Variants in NDST4 observed in about 807,000 individuals in gnomAD.
NDST4 encodes N-deacetylase and N-sulfotransferase 4.
In NDST4, 63 loss-of-function variants were observed where a neutral mutation model predicts 100.8. That is an observed-to-expected ratio of 0.62 (90% CI 0.51 to 0.77). The LOEUF (loss-of-function observed/expected upper bound fraction) is 0.77. Among genes scored for constraint, NDST4 ranks in the 30% least tolerant of loss-of-function variants. The probability of loss-of-function intolerance (pLI) is 0.00; values close to 1 mark genes in which losing one functional copy is unlikely to be tolerated. For missense variants in NDST4, 943 were observed against 1,018.4 expected (o/e 0.93, Z 1.01); for synonymous variants, 377 against 361.8 (o/e 1.04, Z -0.48).
chr4:115,006,101 G>A (rs1727411150), intron 2 of NDST4, among the ~76,000 whole-genome samples: 2 of 146,926 alleles, frequency 1.4e-5, no homozygotes, highest in African/African-American at 5.0e-5. Context: ...AATAAAGAAA[G>A]AAAGAGAAAG....
chr4:114,855,131 AG>A (rs1378575510), intron 7 of NDST4, among the ~76,000 whole-genome samples: 1 of 151,924 alleles, frequency 6.6e-6, no homozygotes, highest in Non-Finnish European at 1.5e-5. Context: ...TCAGATTATT[AG>A]TTTTTTTTTT....
chr4:115,052,613 G>A (rs911268365), intron 2 of NDST4, among the ~76,000 whole-genome samples: 5 of 151,720 alleles, frequency 3.3e-5, no homozygotes, highest in Admixed American at 6.6e-5. Context: ...CTGCCCTCCC[G>A]TAAGACGTGA....
chr4:114,999,121 A>G (rs1727228129), intron 2 of NDST4, among the ~76,000 whole-genome samples: 1 of 152,074 alleles, frequency 6.6e-6, no homozygotes. Flanking sequence ...GTGGATTCAT[A>G]TATCTATTTT....
At chr4:115,074,196 T>C (rs1729134373) in intron 2 of NDST4, among the ~76,000 whole-genome samples, 2 of 152,058 alleles carry the variant, frequency 1.3e-5, no homozygotes, top group Admixed American at 6.6e-5. Context: ...TATTTGGAGT[T>C]ATGTCACTTA....
rs1352457566 is a variant in NDST4 at position 115,023,471 on chromosome 4, G to A, written c.979-46197C>T. ...TTGCACTCCAGCCTGGGCAACAAGA[G>A]CAAAATTCCATCTCAAAAAAAAAAA... On this transcript the variant is annotated intron_variant, in intron 2 of 13. Transcript: ENST00000264363. Among the ~76,000 whole-genome samples, 19 of 120,742 alleles carry A rather than the reference G, an allele frequency of 1.6e-4. 1 individual carries two copies. In the South Asian group the frequency reaches 3.4e-3, roughly 22 times the overall value. The allele number at this position is 120,742 out of a possible 152,430, so 79.2% of individuals were successfully genotyped here.
At chr4:114,987,773 T>C (rs1296993177) in intron 2 of NDST4, among the ~76,000 whole-genome samples, 2 of 152,206 alleles carry the variant, frequency 1.3e-5, no homozygotes, top group Admixed American at 1.3e-4. Context: ...ATCTTTTACC[T>C]CAAATAATCA....
chr4:115,086,046 T>C (rs1729404028), intron 1 of NDST4, among the ~76,000 whole-genome samples: 1 of 152,190 alleles, frequency 6.6e-6, no homozygotes, highest in African/African-American at 2.4e-5. Context: ...CACTACTCAG[T>C]AGGGCACAAT....
chr4:115,104,878 C>CA (rs1379927517), intron 1 of NDST4, among the ~76,000 whole-genome samples: 1 of 152,078 alleles, frequency 6.6e-6, no homozygotes, highest in East Asian at 1.9e-4. Flanking sequence ...AGGCCAAAGT[C>CA]AGAGTACTGA....
chr4:114,979,429 A>T (rs2126245251), intron 2 of NDST4, among the ~76,000 whole-genome samples: 1 of 150,530 alleles, frequency 6.6e-6, no homozygotes, highest in Non-Finnish European at 1.5e-5. Context: ...GAGATACATG[A>T]AAATGAGTAA....
intron 1 of NDST4, among the ~76,000 whole-genome samples, chr4:115,086,305 T>C (rs1335293427): frequency 2.0e-5 from 3 of 152,090 alleles, no homozygotes; most frequent in Non-Finnish European, 2.9e-5. Context: ...CATAAATTTT[T>C]CAAAATAGAG....
chr4:114,866,973 G>A (rs1287079814), intron 7 of NDST4, among the ~76,000 whole-genome samples: 1 of 152,106 alleles, frequency 6.6e-6, no homozygotes, highest in Non-Finnish European at 1.5e-5. Context: ...TAGTATACTT[G>A]CTTTTTTAAT....
At chr4:114,850,469 G>A (rs1486464425) in intron 8 of NDST4, among the ~76,000 whole-genome samples, 1 of 151,646 alleles carries the variant, frequency 6.6e-6, no homozygotes, top group African/African-American at 2.4e-5. Flanking sequence ...ATAAAATCTG[G>A]GCCCATTACC....
intron 2 of NDST4, among the ~76,000 whole-genome samples, chr4:114,998,055 A>G (rs74831296): frequency 0.066 from 9,970 of 152,084 alleles, 1,090 homozygotes; most frequent in African/African-American, 0.22. Flanking sequence ...AGTATGGCTA[A>G]TGGAATCATT....
At chr4:114,995,020 G>A (rs1323681015) in intron 2 of NDST4, among the ~76,000 whole-genome samples, 1 of 151,910 alleles carries the variant, frequency 6.6e-6, no homozygotes, top group Non-Finnish European at 1.5e-5. Flanking sequence ...ATTGAACTTG[G>A]ACCAGAAGTA....
At chr4:115,038,947 T>C (rs1728290970) in intron 2 of NDST4, among the ~76,000 whole-genome samples, 1 of 151,936 alleles carries the variant, frequency 6.6e-6, no homozygotes, top group African/African-American at 2.4e-5. Context: ...CCCATTGTAC[T>C]CCAGCCTGAG....
At chr4:114,956,879 A>G (rs1025803206) in intron 4 of NDST4, among the ~76,000 whole-genome samples, 1 of 152,252 alleles carries the variant, frequency 6.6e-6, no homozygotes, top group Non-Finnish European at 1.5e-5. Context: ...TAAAATGTCC[A>G]TTAAAAAAAT....
chr4:115,043,506 GA>G (rs1728397703), intron 2 of NDST4, among the ~76,000 whole-genome samples: 1 of 151,976 alleles, frequency 6.6e-6, no homozygotes, highest in Admixed American at 6.6e-5. Flanking sequence ...CAGAAAAAAC[GA>G]AGTCAGGAAC....
intron 6 of NDST4, among the ~76,000 whole-genome samples, chr4:114,916,319 C>T (rs1038577890): frequency 2.0e-4 from 31 of 152,064 alleles, no homozygotes; most frequent in African/African-American, 6.0e-4. Flanking sequence ...AAAAACCTGC[C>T]GAAAGTAGCA....
chr4:114,845,559 C>T (rs772537624), intron 10 of NDST4, among the ~76,000 whole-genome samples: 4 of 152,170 alleles, frequency 2.6e-5, no homozygotes, highest in Non-Finnish European at 5.9e-5. Flanking sequence ...CAACATTCTA[C>T]ATGTTTATAT....
Sources: gnomAD v4.1 joint callset for allele counts (sites outside exome capture counted in the v4.1 genomes callset) on GRCh38, gnomAD v4.1.1 for gene constraint, MANE v1.5 for transcripts, NCBI Gene and HGNC (gene_info 2026-07-23, HGNC 2026-07-21) for gene names.